The following C2CD3 variants were observed in gnomAD, a reference collection of about 807,000 sequenced individuals.
C2CD3 encodes the protein C2 domain containing 3 centriole elongation regulator.
A neutral mutation model predicts 234.0 loss-of-function variants in C2CD3; 148 were observed. The observed-to-expected ratio is 0.63, with a 90% confidence interval of 0.55 to 0.72. The LOEUF is 0.72. Among genes scored for constraint, C2CD3 ranks in the 30% least tolerant of loss-of-function variants. The pLI is 0.00. For synonymous variants in C2CD3, 1,000 were observed against 1,035.4 expected, an observed-to-expected ratio of 0.97 and a Z score of 0.66; for missense variants, 2,577 against 2,811.5, an observed-to-expected ratio of 0.92 and a Z score of 1.89.
Position 74,029,953 on chromosome 11 carries a change from G to C in C2CD3, c.6810-1555C>G, listed in dbSNP as rs185118576. ...GTATTTTTAGTAGAGATGGAATTTT[G>C]CCATGTTACCCAGGCTGGTCTTGAA... is the stretch of plus-strand genomic sequence containing the variant. On this transcript the variant is annotated intron_variant, in intron 31 of 32. Transcript: ENST00000334126. Among the ~76,000 whole-genome samples, 320 of 152,086 alleles carry C rather than the reference G, an allele frequency of 2.1e-3. 1 individual carries two copies. Among genetic ancestry groups the C allele is most frequent in the African/African-American group, 7.5e-3 (309 of 41,472 alleles).
At chr11:74,069,194 C>A (rs1954684276) in intron 24 of C2CD3, among the ~76,000 whole-genome samples, 1 of 152,206 alleles carries the variant, frequency 6.6e-6, no homozygotes, top group Non-Finnish European at 1.5e-5. Context: ...TAGTCTTGAA[C>A]AGACACATTC....
At chr11:74,100,036 C>T (rs1956256122) in intron 15 of C2CD3, among the ~76,000 whole-genome samples, 1 of 152,172 alleles carries the variant, frequency 6.6e-6, no homozygotes, top group Non-Finnish European at 1.5e-5. Flanking sequence ...AGATAATATT[C>T]ACTATATAAA....
chr11:74,116,954 A>ATATACACG (rs1481786865), intron 9 of C2CD3, among the ~76,000 whole-genome samples: 1 of 96,032 alleles, frequency 1.0e-5, no homozygotes, highest in Non-Finnish European at 2.2e-5. Context: ...ACACGTATAT[A>ATATACACG]TGTGTATATA....
At chr11:74,109,456 G>C (rs1956661912) in intron 11 of C2CD3, 1 of 244,208 alleles carries the variant, frequency 4.1e-6, no homozygotes, top group South Asian at 1.7e-4. Flanking sequence ...ACTTCACTGG[G>C]TTTTAGGTAA....
chr11:74,038,041 A>T (rs1190765158), intron 29 of C2CD3, among the ~76,000 whole-genome samples: 1 of 152,180 alleles, frequency 6.6e-6, no homozygotes, highest in Admixed American at 6.5e-5. Context: ...ACTCTGCGCT[A>T]ACACTGTCCT....
intron 7 of C2CD3, 46 bp downstream of exon 7, chr11:74,132,798 T>C (rs976890708): frequency 1.2e-5 from 19 of 1,586,148 alleles, no homozygotes; most frequent in Non-Finnish European, 1.6e-5. Flanking sequence ...ATACTATGAA[T>C]TGGAGGAAGA....
chr11:74,094,601 G>C (rs1220177552), intron 17 of C2CD3, among the ~76,000 whole-genome samples: 1 of 152,154 alleles, frequency 6.6e-6, no homozygotes, highest in African/African-American at 2.4e-5. Context: ...AGAAGATGGA[G>C]ACAGTAGGAG....
Position 74,031,318 on chromosome 11 carries a change from C to A in C2CD3, c.6809+2033G>T, listed in dbSNP as rs55895249. On this transcript the variant is annotated intron_variant, in intron 31 of 32. Transcript: ENST00000334126. The stretch of plus-strand genomic sequence containing the variant: ...GCCAGGTATAGAAGTCCTTTAAGAT[C>A]CAGGCCTTGCCTCACCTCGCACCAT... Among the ~76,000 whole-genome samples the A allele has an allele frequency of 3.9e-5, 6 of 152,220 alleles. No homozygotes were observed. The East Asian group carries it at 1.2e-3, about 29-fold the overall frequency.
At chr11:74,158,388 C>G (rs1856178282) in intron 3 of C2CD3, among the ~76,000 whole-genome samples, 1 of 152,118 alleles carries the variant, frequency 6.6e-6, no homozygotes, top group African/African-American at 2.4e-5. Flanking sequence ...ATAGACATTT[C>G]TTAAAAGAAG....
intron 32 of C2CD3, among the ~76,000 whole-genome samples, chr11:74,027,397 C>T (rs1952345695): frequency 1.3e-5 from 2 of 152,140 alleles, no homozygotes; most frequent in Admixed American, 6.5e-5. Flanking sequence ...TATGAGCCAC[C>T]ATGCCTGGCC....
At chr11:74,095,520 T>A in intron 16 of C2CD3, 112 bp from the exon 17 acceptor site, 1 of 734,228 alleles carries the variant, frequency 1.4e-6, no homozygotes, top group Non-Finnish European at 2.1e-6. Flanking sequence ...AATTAGTTGA[T>A]ACTAAAATAG....
At chr11:74,063,778 A>T (rs1954368370) in intron 24 of C2CD3, among the ~76,000 whole-genome samples, 1 of 152,210 alleles carries the variant, frequency 6.6e-6, no homozygotes, top group Non-Finnish European at 1.5e-5. Context: ...AGGCCAGGGC[A>T]ATCAGGCAAG....
intron 3 of C2CD3, among the ~76,000 whole-genome samples, chr11:74,152,070 A>C (rs1452019659): frequency 6.6e-6 from 1 of 152,188 alleles, no homozygotes; most frequent in Non-Finnish European, 1.5e-5. Context: ...CTGGTAGAAA[A>C]ATGTCAAGCA....
chr11:74,044,143 C>T (rs1170497456), intron 28 of C2CD3, among the ~76,000 whole-genome samples: 1 of 151,900 alleles, frequency 6.6e-6, no homozygotes, highest in African/African-American at 2.4e-5. Context: ...CACCCAGTCC[C>T]CTTTATATGT....
chr11:74,042,124 G>A lies in C2CD3; in HGVS notation c.5590C>T (p.Pro1864Ser). The part of the protein sequence containing the change: ...HESLHLQGEA[P>S]LPCDDKLTTS... Reference sequence around the variant, plus strand: ...GTCAGTTTGTCATCACATGGCAAGGGTGCCTCTCCCTGAAGATGCAGGGAT... The same window carrying A: ...GTCAGTTTGTCATCACATGGCAAGGATGCCTCTCCCTGAAGATGCAGGGAT... Residue 1864 changes from proline to serine, a missense_variant, in exon 29 of 33, where the codon CCC (proline) becomes TCC (serine). Coordinates refer to ENST00000334126, the MANE Select transcript of C2CD3 (RefSeq NM_001286577.2). The A allele has an allele frequency of 6.2e-7, 1 of 1,613,738 alleles. No individual in the cohort carries two copies. The highest frequency in any genetic ancestry group is 8.5e-7 in the Non-Finnish European group (1 of 1,179,978).
intron 7 of C2CD3, among the ~76,000 whole-genome samples, chr11:74,130,733 T>C (rs1377805994): frequency 1.3e-5 from 2 of 152,168 alleles, no homozygotes; most frequent in South Asian, 2.1e-4. Flanking sequence ...TCACACTGAC[T>C]TGATTAGTGT....
chr11:74,090,657 T>C (rs1377192630), intron 20 of C2CD3, among the ~76,000 whole-genome samples, 156 bp downstream of exon 20: 2 of 152,206 alleles, frequency 1.3e-5, no homozygotes, highest in African/African-American at 4.8e-5. Flanking sequence ...TTGCAAGTGA[T>C]TTACTCATAT....
chr11:74,085,467 C>G, intron 21 of C2CD3, 151 bp downstream of exon 21: 1 of 722,908 alleles, frequency 1.4e-6, no homozygotes, highest in Non-Finnish European at 2.3e-6. Flanking sequence ...TAGTACATAT[C>G]CTTATTTTTT....
intron 5 of C2CD3, among the ~76,000 whole-genome samples, chr11:74,137,293 T>C (rs1957895200): frequency 1.3e-5 from 2 of 152,050 alleles, no homozygotes; most frequent in Admixed American, 1.3e-4. Context: ...ATAAAATCCA[T>C]ACAGCAGGAG....
Sources: allele counts gnomAD v4.1 joint callset (sites outside exome capture counted in the v4.1 genomes callset), GRCh38; gene constraint gnomAD v4.1.1; transcripts MANE v1.5; gene names NCBI Gene and HGNC (gene_info 2026-07-23, HGNC 2026-07-21).